Variants in ETS1 observed in about 807,000 individuals in gnomAD.
The protein encoded by ETS1 is ETS proto-oncogene 1, transcription factor, also known as protein C-ets-1.
ETS1 carries 15 observed loss-of-function variants against 58.6 expected under a neutral mutation model. The ratio of observed to expected loss-of-function variants is 0.26; its 90% confidence interval spans 0.17 to 0.39. The LOEUF (loss-of-function observed/expected upper bound fraction) is 0.39. Ranked by LOEUF, ETS1 falls within the 10% of genes least tolerant of loss-of-function variation. The pLI, the probability that ETS1 is intolerant of heterozygous loss-of-function variation, is 1.00. For synonymous variants in ETS1, 214 were observed against 218.2 expected, an observed-to-expected ratio of 0.98 and a Z score of 0.17; for missense variants, 417 against 610.5, an observed-to-expected ratio of 0.68 and a Z score of 3.34.
At chr11:128,494,863 C>A (rs1319259496) in intron 3 of ETS1, among the ~76,000 whole-genome samples, 2 of 152,106 alleles carry the variant, frequency 1.3e-5, no homozygotes, top group Non-Finnish European at 2.9e-5. Context: ...GGGATACAGC[C>A]AAGGACAAGA....
intron 3 of ETS1, among the ~76,000 whole-genome samples, chr11:128,521,627 G>T (rs1372175989): frequency 6.6e-6 from 1 of 152,158 alleles, no homozygotes; most frequent in African/African-American, 2.4e-5. Flanking sequence ...AAAAAAGCAG[G>T]AATGGGGCGC....
intron 1 of ETS1, among the ~76,000 whole-genome samples, chr11:128,585,225 A>AGAAAGAAAGAAAGAAAGAAAGAAG (rs1565422083): frequency 2.9e-4 from 18 of 62,928 alleles, no homozygotes; most frequent in East Asian, 1.1e-3. Flanking sequence ...AAAGAAAGAA[A>AGAAAGAAAGAAAGAAAGAAAGAAG]GAAAGAAAGA....
intron 3 of ETS1, among the ~76,000 whole-genome samples, chr11:128,552,040 G>A (rs916415042): frequency 1.3e-5 from 2 of 152,038 alleles, no homozygotes; most frequent in Non-Finnish European, 2.9e-5. Flanking sequence ...GGGAGTTTCT[G>A]CTTCGATAAG....
At chr11:128,565,154 G>T (rs1164168927) in intron 2 of ETS1, among the ~76,000 whole-genome samples, 1 of 152,124 alleles carries the variant, frequency 6.6e-6, no homozygotes, top group African/African-American at 2.4e-5. Flanking sequence ...AACAGGCGGA[G>T]GCATTATGAG....
At chr11:128,492,867 C>T (rs1195258016) in intron 3 of ETS1, among the ~76,000 whole-genome samples, 3 of 152,088 alleles carry the variant, frequency 2.0e-5, no homozygotes, top group African/African-American at 7.2e-5. Context: ...ACTGTAGCAG[C>T]CCCAGCTCCC....
chr11:128,573,324 G>A (rs182124814), intron 1 of ETS1, among the ~76,000 whole-genome samples, 180 bp from the exon 2 acceptor site: 62 of 152,272 alleles, frequency 4.1e-4, no homozygotes, highest in African/African-American at 1.3e-3. Context: ...CCCCAGCACC[G>A]GTAAGAGCAG....
At chr11:128,476,321 T>G (rs761738367) in intron 8 of ETS1, among the ~76,000 whole-genome samples, 6 of 152,252 alleles carry the variant, frequency 3.9e-5, no homozygotes, top group Non-Finnish European at 5.9e-5. Flanking sequence ...GCATATAGTG[T>G]TCATTAGTGA....
Position 128,481,424 on chromosome 11 carries a change from CAAAAAAA to C in ETS1, c.863-980_863-974del, listed in dbSNP as rs10707155. 1.7e-3 allele frequency among the ~76,000 whole-genome samples: 223 copies of C among 134,222 alleles called. 1 individual carries two copies. Among genetic ancestry groups the C allele is most frequent in the Admixed American group, 3.5e-3 (48 of 13,682 alleles). 88.1% of individuals were successfully genotyped at this position (134,222 alleles called of 152,430 possible). A position where few individuals can be genotyped will look rare whatever the true frequency, so the allele number is the denominator to read the frequency against. Reference sequence around the variant, plus strand: ...AAAATGCCACTAAAAAGGAGGCTAGCAAAAAAAAAAAAAAAATAGTTTTGGAGGAAAA... The same window carrying C: ...AAAATGCCACTAAAAAGGAGGCTAGCAAAAAAAAATAGTTTTGGAGGAAAA... On this transcript the variant is annotated intron_variant, in intron 7 of 9. Transcript: ENST00000392668.
intron 3 of ETS1, among the ~76,000 whole-genome samples, chr11:128,539,476 A>G (rs1214419628): frequency 6.6e-6 from 1 of 152,228 alleles, no homozygotes; most frequent in Admixed American, 6.5e-5. Flanking sequence ...AAAGAAATGC[A>G]AATCAAAACG....
At chr11:128,499,033 G>T (rs1488090575) in intron 3 of ETS1, among the ~76,000 whole-genome samples, 1 of 152,170 alleles carries the variant, frequency 6.6e-6, no homozygotes, top group Non-Finnish European at 1.5e-5. Context: ...GCTTTGCAGA[G>T]AACCACATTG....
At chr11:128,520,202 T>C (rs1040593508) in intron 3 of ETS1, among the ~76,000 whole-genome samples, 4 of 152,240 alleles carry the variant, frequency 2.6e-5, no homozygotes, top group Non-Finnish European at 5.9e-5. Flanking sequence ...GTAACTGAAA[T>C]GACGGCACCA....
chr11:128,459,963 C>T lies in ETS1; in HGVS notation c.*2398G>A, dbSNP rs889921757. ...TTTATGCCTGGTTGCAAACAGCAAG[C>T]AATAATTGATACCCGGCCCTGGTTC... is the stretch of plus-strand genomic sequence containing the variant. On this transcript the variant is annotated 3_prime_UTR_variant, in exon 10 of 10. Transcript: ENST00000392668. The T allele has an allele frequency of 6.6e-6, 1 of 152,226 alleles. No individual in the cohort carries two copies. Among genetic ancestry groups the T allele is most frequent in the South Asian group, 2.1e-4 (1 of 4,818 alleles). 9.4% of individuals were successfully genotyped at this position (152,226 alleles called of 1,614,324 possible).
chr11:128,503,832 G>C (rs1863154687), intron 3 of ETS1, among the ~76,000 whole-genome samples: 1 of 152,156 alleles, frequency 6.6e-6, no homozygotes. Flanking sequence ...GCTGACATCA[G>C]AGAAGATGCA....
chr11:128,586,389 C>G (rs1865031678), intron 1 of ETS1, among the ~76,000 whole-genome samples: 1 of 151,414 alleles, frequency 6.6e-6, no homozygotes, highest in African/African-American at 2.4e-5. Flanking sequence ...CACCCTGCAG[C>G]CCTTGTGCAC....
chr11:128,585,144 G>GA lies in ETS1; in HGVS notation c.-15+2343dup, dbSNP rs1227513043. Among the ~76,000 whole-genome samples the GA allele has an allele frequency of 6.7e-3, 96 of 14,392 alleles. 7 individuals are homozygous for GA. The highest frequency in any genetic ancestry group is 0.014 in the African/African-American group (29 of 2,022). The allele number at this position is 14,392 out of a possible 152,430, so 9.4% of individuals were successfully genotyped here. ...AGAAAGAAGAAAGAAAGAAAAGAAA[G>GA]AAAGAAAGAAAGAAAGAAAGAAAGA... On this transcript the variant is annotated intron_variant, in intron 1 of 9. Coordinates refer to ENST00000392668, the MANE Select transcript of ETS1 (RefSeq NM_001143820.2).
intron 7 of ETS1, among the ~76,000 whole-genome samples, chr11:128,484,000 T>C (rs1862558309): frequency 6.6e-6 from 1 of 152,240 alleles, no homozygotes; most frequent in Admixed American, 6.5e-5. Flanking sequence ...TACAATAGAT[T>C]GCATTTTTCT....
intron 3 of ETS1, among the ~76,000 whole-genome samples, chr11:128,492,471 T>C (rs1235575981): frequency 6.6e-6 from 1 of 152,180 alleles, no homozygotes; most frequent in Non-Finnish European, 1.5e-5. Flanking sequence ...CTTCCAGGCC[T>C]TGCCAATGAC....
intron 5 of ETS1, among the ~76,000 whole-genome samples, chr11:128,486,949 G>A (rs1862650266): frequency 6.6e-6 from 1 of 152,208 alleles, no homozygotes; most frequent in Non-Finnish European, 1.5e-5. Context: ...CATAGAGTAT[G>A]GGTTTGGGTT....
chr11:128,480,020 A>G (rs1228566495), intron 8 of ETS1, among the ~76,000 whole-genome samples, 171 bp downstream of exon 8: 2 of 151,784 alleles, frequency 1.3e-5, no homozygotes, highest in Non-Finnish European at 2.9e-5. Flanking sequence ...ATGGCTATTC[A>G]CAAGCAGAGT....
Sources: gnomAD v4.1 joint callset for allele counts (sites outside exome capture counted in the v4.1 genomes callset) on GRCh38, gnomAD v4.1.1 for gene constraint, MANE v1.5 for transcripts, NCBI Gene and HGNC (gene_info 2026-07-23, HGNC 2026-07-21) for gene names.